HS3ST4: variants seen among roughly 807,000 people sequenced by gnomAD.
HS3ST4 encodes the protein heparan sulfate glucosamine 3-O-sulfotransferase 4.
In HS3ST4, 17 loss-of-function variants were observed where a neutral mutation model predicts 29.2. The ratio of observed to expected loss-of-function variants is 0.58; its 90% confidence interval spans 0.40 to 0.87. The LOEUF is 0.87. HS3ST4 is among the 40% of genes least tolerant of loss of function. The pLI is 0.00. For missense variants in HS3ST4, 627 were observed against 634.5 expected (o/e 0.99, Z 0.13); for synonymous variants, 314 against 285.7 (o/e 1.10, Z -1.00).
chr16:25,735,890 C>T (rs962670374), intron 1 of HS3ST4, among the ~76,000 whole-genome samples: 2 of 152,146 alleles, frequency 1.3e-5, no homozygotes, highest in African/African-American at 4.8e-5. Flanking sequence ...CAATGCAGAA[C>T]TGGAGGAGGA....
rs1567249366 is a variant in HS3ST4 at position 25,828,268 on chromosome 16, CTTTCTT to C, written c.734+135119_734+135124del. Among the ~76,000 whole-genome samples the C allele has an allele frequency of 2.0e-4, 17 of 84,884 alleles. 2 individuals carry two copies. The highest frequency in any genetic ancestry group is 8.2e-4 in the African/African-American group (16 of 19,592). 55.7% of individuals were successfully genotyped at this position (84,884 alleles called of 152,430 possible). On this transcript the variant is annotated intron_variant, in intron 1 of 1. Coordinates refer to ENST00000331351, the MANE Select transcript of HS3ST4 (RefSeq NM_006040.3). ...TCTTTCTTTCTTTCTTTCTTTCTTTCTTTCTTTCTTTCTTTCTTTCTTTCTTTCTTT... is the reference window on the plus strand; with the variant it reads ...TCTTTCTTTCTTTCTTTCTTTCTTTCTCTTTCTTTCTTTCTTTCTTTCTTT...
chr16:26,113,373 G>A (rs926873090), intron 1 of HS3ST4, among the ~76,000 whole-genome samples: 2 of 151,724 alleles, frequency 1.3e-5, no homozygotes, highest in Admixed American at 6.6e-5. Flanking sequence ...TTGAAACCGG[G>A]GGGTAGAGGT....
At chr16:26,006,171 C>T (rs1969255932) in intron 1 of HS3ST4, among the ~76,000 whole-genome samples, 1 of 151,784 alleles carries the variant, frequency 6.6e-6, no homozygotes, top group South Asian at 2.1e-4. Context: ...TGGTGGTGCA[C>T]ACCTGTAGTC....
At position 26,135,592 on chromosome 16, in the gene HS3ST4, CT is replaced by C; in HGVS notation, c.735-15del. On this transcript the variant is annotated intron_variant, in intron 1 of 1. Transcript: ENST00000331351. ...CTGGACAGGAATAACCATTCTCTTCCTTTTTCCTCCCTCTCCTAGAAATGTG... is the reference window on the plus strand; with the variant it reads ...CTGGACAGGAATAACCATTCTCTTCCTTTTCCTCCCTCTCCTAGAAATGTG... 1.9e-6 allele frequency: 3 copies of C among 1,560,272 alleles called. No homozygotes were observed. The highest frequency in any genetic ancestry group is 1.2e-5 in the South Asian group (1 of 80,606).
chr16:25,800,958 T>C lies in HS3ST4; in HGVS notation c.734+107807T>C, dbSNP rs527841464. Among the ~76,000 whole-genome samples, 4 of 152,306 alleles carry C rather than the reference T, an allele frequency of 2.6e-5. No individual in the cohort carries two copies. In the East Asian group the frequency reaches 7.7e-4, roughly 29 times the overall value. The stretch of plus-strand genomic sequence containing the variant: ...CAGAACTGCAAAAAATACCTTTCTA[T>C]TATTTATAAATCACCCAATCCAAGG... On this transcript the variant is annotated intron_variant, in intron 1 of 1. Transcript: ENST00000331351.
intron 1 of HS3ST4, among the ~76,000 whole-genome samples, chr16:25,978,821 G>T (rs1349943861): frequency 6.6e-6 from 1 of 152,166 alleles, no homozygotes; most frequent in Non-Finnish European, 1.5e-5. Flanking sequence ...CAGGCAAAGT[G>T]AGGAGGAAGC....
chr16:25,795,249 G>A (rs1966880688), intron 1 of HS3ST4, among the ~76,000 whole-genome samples: 1 of 151,924 alleles, frequency 6.6e-6, no homozygotes, highest in Non-Finnish European at 1.5e-5. Flanking sequence ...GGGATTACAG[G>A]CGTGAGCCAC....
chr16:25,776,180 C>A (rs533648127), intron 1 of HS3ST4, among the ~76,000 whole-genome samples: 1 of 152,240 alleles, frequency 6.6e-6, no homozygotes, highest in East Asian at 1.9e-4. Flanking sequence ...GCGGGTGACA[C>A]AATCTCAGTC....
chr16:25,910,424 T>C (rs1434686901), intron 1 of HS3ST4, among the ~76,000 whole-genome samples: 1 of 152,078 alleles, frequency 6.6e-6, no homozygotes, highest in African/African-American at 2.4e-5. Context: ...GCAGATCACC[T>C]GAGGTCAGGA....
chr16:25,813,071 G>A (rs1265002817), intron 1 of HS3ST4, among the ~76,000 whole-genome samples: 1 of 152,164 alleles, frequency 6.6e-6, no homozygotes, highest in African/African-American at 2.4e-5. Context: ...TGTCCAGAAC[G>A]TATAAAGAAC....
chr16:25,902,403 G>A (rs929698853), intron 1 of HS3ST4, among the ~76,000 whole-genome samples: 1 of 152,110 alleles, frequency 6.6e-6, no homozygotes, highest in Non-Finnish European at 1.5e-5. Flanking sequence ...GGCTGAGGTG[G>A]GAGGATTGCT....
chr16:25,980,307 A>C (rs1250832236), intron 1 of HS3ST4, among the ~76,000 whole-genome samples: 1 of 152,202 alleles, frequency 6.6e-6, no homozygotes, highest in Non-Finnish European at 1.5e-5. Context: ...CCTGTTCCCT[A>C]TCATTCCCTG....
intron 1 of HS3ST4, among the ~76,000 whole-genome samples, chr16:25,970,804 A>C (rs1209050329): frequency 1.3e-5 from 2 of 151,704 alleles, no homozygotes; most frequent in Non-Finnish European, 2.9e-5. Context: ...TCATTCATTC[A>C]TTCCTTTCAC....
intron 1 of HS3ST4, among the ~76,000 whole-genome samples, chr16:26,118,796 A>C (rs1393002654): frequency 6.6e-6 from 1 of 152,150 alleles, no homozygotes; most frequent in East Asian, 1.9e-4. Context: ...GACACAGAGA[A>C]GGCCGGTGTT....
At chr16:25,999,285 G>C (rs1421171617) in intron 1 of HS3ST4, among the ~76,000 whole-genome samples, 1 of 152,026 alleles carries the variant, frequency 6.6e-6, no homozygotes, top group Non-Finnish European at 1.5e-5. Flanking sequence ...GTATTTTTTA[G>C]CATTTGGCAG....
At chr16:25,741,365 TAAA>T (rs66788248) in intron 1 of HS3ST4, among the ~76,000 whole-genome samples, 1 of 66,192 alleles carries the variant, frequency 1.5e-5, no homozygotes, top group Non-Finnish European at 2.6e-5. Flanking sequence ...GAATTCAAGG[TAAA>T]AAAAAAAAAA....
At chr16:26,088,513 G>A (rs1378210094) in intron 1 of HS3ST4, among the ~76,000 whole-genome samples, 1 of 152,208 alleles carries the variant, frequency 6.6e-6, no homozygotes, top group Admixed American at 6.5e-5. Context: ...ATTTGATTGT[G>A]ATAGTGGCTG....
At position 25,692,856 on chromosome 16, in the gene HS3ST4, A is replaced by C; in HGVS notation, c.439A>C (p.Ser147Arg). Residue 147 changes from serine to arginine, a missense_variant, in exon 1 of 2, where the codon AGC becomes CGC. Ser to Arg is a moderately radical substitution (Grantham distance 110, BLOSUM62 -1). This residue lies in a region of HS3ST4 where 402 missense variants were observed against 340.8 expected (regional missense o/e 1.18). Transcript: ENST00000331351. The stretch of plus-strand genomic sequence containing the variant: ...CTGGCTCCGGACCCCGCTGGCCCCC[A>C]GCGAGATGATCACGGCTCAGAGCGC... ...DAWLRTPLAP[S>R]EMITAQSALP... 1 of 1,480,940 alleles carries C rather than the reference A, an allele frequency of 6.8e-7. No individual in the cohort carries two copies. Among genetic ancestry groups the C allele is most frequent in the Non-Finnish European group, 9.0e-7 (1 of 1,115,670 alleles). The allele number at this position is 1,480,940 out of a possible 1,614,324, so 91.7% of individuals were successfully genotyped here. A position where few individuals can be genotyped will look rare whatever the true frequency, so the allele number is the denominator to read the frequency against.
At chr16:25,963,203 A>G (rs983436807) in intron 1 of HS3ST4, among the ~76,000 whole-genome samples, 4 of 152,188 alleles carry the variant, frequency 2.6e-5, no homozygotes, top group African/African-American at 7.2e-5. Context: ...TGATTCTTGA[A>G]CATCCAAACT....
Sources: allele counts gnomAD v4.1 joint callset (sites outside exome capture counted in the v4.1 genomes callset), GRCh38; gene constraint gnomAD v4.1.1; regional missense constraint gnomAD v4.1.1; transcripts MANE v1.5; gene names NCBI Gene and HGNC (gene_info 2026-07-23, HGNC 2026-07-21).